The following IL12RB2 variants were observed in gnomAD, a reference collection of about 807,000 sequenced individuals.
The protein encoded by IL12RB2 is interleukin-12 receptor subunit beta-2.
A neutral mutation model predicts 89.4 loss-of-function variants in IL12RB2; 82 were observed. The ratio of observed to expected loss-of-function variants is 0.92; its 90% CI spans 0.77 to 1.10. The LOEUF (loss-of-function observed/expected upper bound fraction) is 1.10, where lower values mean the gene tolerates loss of function less well. IL12RB2 is among the 50% of genes least tolerant of loss of function. IL12RB2 has a pLI of 0.00. For synonymous variants in IL12RB2, 368 were observed against 370.1 expected, an observed-to-expected ratio of 0.99 and a Z score of 0.07; for missense variants, 963 against 1,031.9, an observed-to-expected ratio of 0.93 and a Z score of 0.92.
intron 11 of IL12RB2, among the ~76,000 whole-genome samples, chr1:67,371,670 G>T (rs958912003): frequency 3.9e-5 from 6 of 152,174 alleles, no homozygotes; most frequent in Admixed American, 2.0e-4. Flanking sequence ...AGGAATTTTG[G>T]TGGGGAAGAA....
At position 67,328,593 on chromosome 1, in the gene IL12RB2, A is replaced by G. The variant is rs767414039; in HGVS notation, c.664+209A>G. 1.3e-3 allele frequency among the ~76,000 whole-genome samples: 196 copies of G among 152,326 alleles called. 1 individual carries two copies. The highest frequency in any genetic ancestry group is 4.8e-3 in the Admixed American group (73 of 15,294). On this transcript the variant is annotated intron_variant, in intron 6 of 16. Coordinates refer to ENST00000674203, the MANE Select transcript of IL12RB2 (RefSeq NM_001374259.2). Reference sequence around the variant, plus strand: ...GGCTATACAAAGTGGGATGTTCAACATTATTCTCTCTATTGAAGAAATTAG... The same window carrying G: ...GGCTATACAAAGTGGGATGTTCAACGTTATTCTCTCTATTGAAGAAATTAG...
intron 9 of IL12RB2, among the ~76,000 whole-genome samples, chr1:67,340,098 A>G (rs1659351333): frequency 6.6e-6 from 1 of 152,192 alleles, no homozygotes; most frequent in South Asian, 2.1e-4. Context: ...ATCATTGCAC[A>G]CTTCTTCAGT....
intron 5 of IL12RB2, among the ~76,000 whole-genome samples, 172 bp from the exon 6 acceptor site, chr1:67,328,028 G>A (rs1428596696): frequency 6.6e-6 from 1 of 152,230 alleles, no homozygotes; most frequent in Non-Finnish European, 1.5e-5. Context: ...GTGAAGTATA[G>A]TCTTACATGA....
At chr1:67,386,870 T>TC (rs1553128700) in intron 15 of IL12RB2, among the ~76,000 whole-genome samples, 10 of 116,422 alleles carry the variant, frequency 8.6e-5, no homozygotes, top group Non-Finnish European at 8.5e-5. Flanking sequence ...TAGAAATGTA[T>TC]TTTATATATA....
chr1:67,309,359 C>G (rs1208362675), intron 1 of IL12RB2, among the ~76,000 whole-genome samples: 1 of 152,198 alleles, frequency 6.6e-6, no homozygotes, highest in Non-Finnish European at 1.5e-5. Flanking sequence ...GTTTCCACCT[C>G]TCTGGCTCAG....
At chr1:67,387,112 T>G (rs1007750278) in intron 15 of IL12RB2, among the ~76,000 whole-genome samples, 13 of 151,102 alleles carry the variant, frequency 8.6e-5, no homozygotes, top group Non-Finnish European at 1.6e-4. Context: ...TATTTTTTAT[T>G]AGAGACAGGG....
chr1:67,393,133 C>T (rs1291640999), intron 16 of IL12RB2, among the ~76,000 whole-genome samples: 3 of 152,170 alleles, frequency 2.0e-5, no homozygotes, highest in African/African-American at 7.2e-5. Context: ...AGGCAGACAA[C>T]AGAAACACAA....
intron 4 of IL12RB2, among the ~76,000 whole-genome samples, chr1:67,323,241 G>T (rs1656818994): frequency 6.6e-6 from 1 of 152,216 alleles, no homozygotes; most frequent in Non-Finnish European, 1.5e-5. Flanking sequence ...TTGGTAGGAA[G>T]GAGGTATAAA....
rs1402709940 is a variant in IL12RB2, at chr1:67,396,692, G to C, written c.*603G>C. 6.4e-6 allele frequency: 1 copy of C among 156,360 alleles called. No individual in the cohort carries two copies. The highest frequency in any genetic ancestry group is 1.4e-5 in the Non-Finnish European group (1 of 70,546). 9.7% of individuals were successfully genotyped at this position (156,360 alleles called of 1,614,324 possible). ...AGTGGCTACTGTATTGGAGTGCACAGCTCTAGATGGCTCCTAGATTATTGA... is the reference window on the plus strand; with the variant it reads ...AGTGGCTACTGTATTGGAGTGCACACCTCTAGATGGCTCCTAGATTATTGA... On this transcript the variant is annotated 3_prime_UTR_variant, in exon 17 of 17. Transcript: ENST00000674203.
At chr1:67,386,939 T>G (rs1403196621) in intron 15 of IL12RB2, among the ~76,000 whole-genome samples, 1 of 126,424 alleles carries the variant, frequency 7.9e-6, no homozygotes, top group Non-Finnish European at 1.7e-5. Context: ...CCCAAAAAAA[T>G]TTTTTTGAGA....
chr1:67,332,695 G>A (rs1658253947), intron 8 of IL12RB2, among the ~76,000 whole-genome samples: 1 of 151,954 alleles, frequency 6.6e-6, no homozygotes, highest in South Asian at 2.1e-4. Context: ...ATTAGATTTT[G>A]TTTATATATG....
chr1:67,364,157 G>A (rs1249290258), intron 10 of IL12RB2, among the ~76,000 whole-genome samples: 1 of 152,246 alleles, frequency 6.6e-6, no homozygotes, highest in Non-Finnish European at 1.5e-5. Flanking sequence ...TTGGAAGGCT[G>A]AGGCAGGCGG....
intron 10 of IL12RB2, among the ~76,000 whole-genome samples, chr1:67,359,652 G>A (rs1449595808): frequency 6.6e-6 from 1 of 152,056 alleles, no homozygotes; most frequent in African/African-American, 2.4e-5. Flanking sequence ...AACCTGGGAG[G>A]TGGCAGTTGC....
chr1:67,325,111 T>C (rs1454174716), intron 4 of IL12RB2, among the ~76,000 whole-genome samples: 4 of 152,252 alleles, frequency 2.6e-5, no homozygotes, highest in Non-Finnish European at 5.9e-5. Context: ...TCTTGAGTCA[T>C]TTATACAGAT....
intron 1 of IL12RB2, among the ~76,000 whole-genome samples, chr1:67,308,522 C>T (rs1242014009): frequency 2.0e-5 from 3 of 152,176 alleles, no homozygotes; most frequent in African/African-American, 7.2e-5. Context: ...TGGCCAGTTA[C>T]TAGCAAGATG....
intron 11 of IL12RB2, 96 bp downstream of exon 11, chr1:67,368,121 G>A: frequency 2.5e-6 from 2 of 791,454 alleles, no homozygotes; most frequent in Non-Finnish European, 4.4e-6. Flanking sequence ...TTCAATTACA[G>A]GTGGCTACAT....
In IL12RB2 at chr1:67,363,749, G is replaced by A. The variant is rs1186711654; in HGVS notation, c.1259-4076G>A. On this transcript the variant is annotated intron_variant, in intron 10 of 16. Transcript: ENST00000674203. ...GAAGCAGTATATTGTTATTTGAAAG[G>A]GGACTTGAATTAGTTGTAAATGTAT... Among the ~76,000 whole-genome samples, 3 of 152,262 alleles carry A rather than the reference G, an allele frequency of 2.0e-5. No individual in the cohort carries two copies. The East Asian group carries it at 5.8e-4, about 29-fold the overall frequency.
intron 10 of IL12RB2, among the ~76,000 whole-genome samples, chr1:67,360,103 T>C (rs1422636434): frequency 6.6e-6 from 1 of 152,080 alleles, no homozygotes; most frequent in Non-Finnish European, 1.5e-5. Flanking sequence ...AGTTTTATCT[T>C]ATGGAGCTTG....
chr1:67,319,812 C>A (rs1055855689), intron 2 of IL12RB2, among the ~76,000 whole-genome samples: 3 of 151,984 alleles, frequency 2.0e-5, no homozygotes, highest in African/African-American at 7.3e-5. Context: ...GAGATGGGGT[C>A]TTTGGGAGGT....
Sources: allele counts gnomAD v4.1 joint callset (sites outside exome capture counted in the v4.1 genomes callset), GRCh38; gene constraint gnomAD v4.1.1; transcripts MANE v1.5; gene names NCBI Gene and HGNC (gene_info 2026-07-23, HGNC 2026-07-21).